The following TRIM37 variants were observed in gnomAD, a reference collection of about 807,000 sequenced individuals.
TRIM37 encodes E3 ubiquitin-protein ligase TRIM37.
Under a neutral mutation model 129.8 loss-of-function variants are expected in TRIM37, and 80 were observed. The ratio of observed to expected loss-of-function variants is 0.62; its 90% CI spans 0.51 to 0.74. TRIM37 has a LOEUF of 0.74. Ranked by LOEUF, TRIM37 falls within the 30% of genes least tolerant of loss-of-function variation. The pLI, the probability that TRIM37 is intolerant of heterozygous loss-of-function variation, is 0.00. For missense variants in TRIM37, 1,054 were observed against 1,176.5 expected (o/e 0.90, Z 1.52); for synonymous variants, 389 against 387.1 (o/e 1.00, Z -0.06).
At chr17:59,077,989 G>C (rs2042961555) in intron 7 of TRIM37, among the ~76,000 whole-genome samples, 1 of 151,734 alleles carries the variant, frequency 6.6e-6, no homozygotes, top group African/African-American at 2.4e-5. Flanking sequence ...GCTGGGGGTG[G>C]TGGCACGTGC....
At chr17:59,066,043 T>A (rs11869052) in intron 9 of TRIM37, among the ~76,000 whole-genome samples, 2 of 151,942 alleles carry the variant, frequency 1.3e-5, no homozygotes, top group African/African-American at 2.4e-5. Context: ...TCCTTTTGCC[T>A]GGTTAACCCT....
At chr17:59,030,161 A>G (rs1207373610) in intron 18 of TRIM37, among the ~76,000 whole-genome samples, 1 of 152,062 alleles carries the variant, frequency 6.6e-6, no homozygotes, top group Non-Finnish European at 1.5e-5. Flanking sequence ...GCTGGAGTGC[A>G]ATGGCACGAT....
chr17:59,061,136 T>C (rs1309409837), intron 11 of TRIM37, 28 bp from the exon 12 acceptor site: 1 of 1,591,876 alleles, frequency 6.3e-7, no homozygotes, highest in Admixed American at 1.7e-5. Context: ...AGTTTGAGTG[T>C]AAAAAAATTA....
At chr17:58,994,794 G>A (rs530430421), downstream of TRIM37, among the ~76,000 whole-genome samples, 1 of 151,640 alleles carries the variant, frequency 6.6e-6, no homozygotes, top group Admixed American at 6.6e-5. Context: ...TGTTGCCCAG[G>A]CTGGAGTGCA....
chr17:59,058,573 G>A (rs1023363179), intron 12 of TRIM37, among the ~76,000 whole-genome samples: 1 of 152,036 alleles, frequency 6.6e-6, no homozygotes, highest in Non-Finnish European at 1.5e-5. Flanking sequence ...AAGAAAATAA[G>A]TAAGCTGGAC....
At chr17:59,104,050 T>C (rs531987980) in intron 2 of TRIM37, among the ~76,000 whole-genome samples, 73 of 152,316 alleles carry the variant, frequency 4.8e-4, no homozygotes, top group African/African-American at 1.7e-3. Flanking sequence ...AGCACTTCTT[T>C]AGTGCCTCCT....
intron 4 of TRIM37, 63 bp downstream of exon 4, chr17:59,088,228 G>C (rs776761517): frequency 3.0e-6 from 3 of 995,300 alleles, no homozygotes; most frequent in South Asian, 1.3e-5. Flanking sequence ...TACCAATATA[G>C]TGTCATTAAA....
the TRIM37 span, among the ~76,000 whole-genome samples, chr17:58,976,128 G>C: frequency 6.6e-6 from 1 of 152,130 alleles, no homozygotes; most frequent in African/African-American, 2.4e-5. Flanking sequence ...TTTTAGATTT[G>C]AGCATGTTTG....
chr17:58,974,817 G>C, the TRIM37 span, among the ~76,000 whole-genome samples: 1 of 152,092 alleles, frequency 6.6e-6, no homozygotes, highest in Non-Finnish European at 1.5e-5. Context: ...CCACTCTTTG[G>C]GAAGGTGCTA....
intron 24 of TRIM37, among the ~76,000 whole-genome samples, chr17:58,986,166 C>A (rs34077052): frequency 1.8e-3 from 269 of 152,116 alleles, no homozygotes; most frequent in Admixed American, 5.2e-3. Flanking sequence ...CATTCCCCCC[C>A]ACACCCGCCC....
At chr17:59,036,170 G>GGCTGAGGCAGGAGGACTA (rs1871125421) in intron 17 of TRIM37, among the ~76,000 whole-genome samples, 1 of 152,160 alleles carries the variant, frequency 6.6e-6, no homozygotes, top group Non-Finnish European at 1.5e-5. Flanking sequence ...CACTTTGGGA[G>GGCTGAGGCAGGAGGACTA]GCTGAGGCAG....
At chr17:59,034,150 C>G (rs534384047) in intron 17 of TRIM37, among the ~76,000 whole-genome samples, 1 of 151,620 alleles carries the variant, frequency 6.6e-6, no homozygotes, top group East Asian at 2.0e-4. Context: ...GGACTTTTTC[C>G]CAAAAAGCTA....
downstream of TRIM37, among the ~76,000 whole-genome samples, chr17:58,996,153 G>A (rs2032970510): frequency 6.6e-6 from 1 of 151,892 alleles, no homozygotes; most frequent in Admixed American, 6.6e-5. Context: ...TAATCTCAAG[G>A]TTAAGTTCAC....
At chr17:58,972,498 G>GCC in the TRIM37 span, among the ~76,000 whole-genome samples, 1 of 152,054 alleles carries the variant, frequency 6.6e-6, no homozygotes, top group Non-Finnish European at 1.5e-5. Flanking sequence ...TTACAGGCAT[G>GCC]TGCCACCACG....
At chr17:58,972,239 T>C in the TRIM37 span, 1 of 1,614,130 alleles carries the variant, frequency 6.2e-7, no homozygotes, top group Non-Finnish European at 8.5e-7. Flanking sequence ...AGGGCCAAGC[T>C]GTTGAACTAA....
chr17:59,017,465 A>C, intron 19 of TRIM37, 41 bp from the exon 20 acceptor site: 1 of 1,613,400 alleles, frequency 6.2e-7, no homozygotes. Context: ...AGGCTACTAC[A>C]GCACAAAACT....
At chr17:59,063,662 A>C (rs1014091331) in intron 10 of TRIM37, among the ~76,000 whole-genome samples, 3 of 152,226 alleles carry the variant, frequency 2.0e-5, no homozygotes, top group African/African-American at 7.2e-5. Flanking sequence ...TTAACATACA[A>C]CTGACAAAGC....
At chr17:59,046,546 T>G (rs2039818939) in intron 16 of TRIM37, among the ~76,000 whole-genome samples, 1 of 110,726 alleles carries the variant, frequency 9.0e-6, no homozygotes, top group Non-Finnish European at 1.8e-5. Context: ...AACAGTTTTT[T>G]TTTTTTTTTG....
intron 21 of TRIM37, among the ~76,000 whole-genome samples, chr17:59,014,785 A>T (rs1490451675): frequency 6.6e-6 from 1 of 151,830 alleles, no homozygotes; most frequent in East Asian, 1.9e-4. Flanking sequence ...AGTTCAGATA[A>T]GGTTACGTAT....
Sources: allele counts gnomAD v4.1 joint callset (sites outside exome capture counted in the v4.1 genomes callset), GRCh38; gene constraint gnomAD v4.1.1; transcripts MANE v1.5; gene names NCBI Gene and HGNC (gene_info 2026-07-23, HGNC 2026-07-21).